Variants in PCDH7 observed in about 807,000 individuals in gnomAD.
PCDH7 encodes protocadherin 7.
In PCDH7, 17 loss-of-function variants were observed where a neutral mutation model predicts 58.9. The ratio of observed to expected loss-of-function variants is 0.29; its 90% CI spans 0.20 to 0.43. The LOEUF (loss-of-function observed/expected upper bound fraction) is 0.43. Ranked by LOEUF, PCDH7 falls within the 20% of genes least tolerant of loss-of-function variation. The probability of loss-of-function intolerance (pLI) is 1.00; values close to 1 mark genes in which losing one functional copy is unlikely to be tolerated. For missense variants in PCDH7, 1,274 were observed against 1,441.0 expected, an observed-to-expected ratio of 0.88 and a Z score of 1.88; for synonymous variants, 664 against 616.4, an observed-to-expected ratio of 1.08 and a Z score of -1.14.
intron 3 of PCDH7, among the ~76,000 whole-genome samples, chr4:31,080,764 G>C (rs897445098): frequency 9.2e-5 from 14 of 152,130 alleles, no homozygotes; most frequent in African/African-American, 3.4e-4. Context: ...GATATGGTTT[G>C]GCTGTGTCCC....
intron 1 of PCDH7, among the ~76,000 whole-genome samples, chr4:30,904,795 A>C (rs11722640): frequency 0.69 from 105,626 of 152,082 alleles, 36,947 homozygotes; most frequent in African/African-American, 0.79. Context: ...AGAGGAAATA[A>C]GTTCACCTGT....
At chr4:30,900,469 A>G (rs1176078207) in intron 1 of PCDH7, among the ~76,000 whole-genome samples, 1 of 152,200 alleles carries the variant, frequency 6.6e-6, no homozygotes, top group Non-Finnish European at 1.5e-5. Context: ...CTTGAAATAT[A>G]TACTACTTAT....
downstream of PCDH7, among the ~76,000 whole-genome samples, chr4:30,737,478 G>A (rs140893405): frequency 6.6e-6 from 1 of 152,090 alleles, no homozygotes; most frequent in African/African-American, 2.4e-5. Context: ...TGTTCACGCT[G>A]CACTCCAGCC....
At chr4:31,073,229 G>T (rs1205876550) in intron 3 of PCDH7, among the ~76,000 whole-genome samples, 1 of 152,186 alleles carries the variant, frequency 6.6e-6, no homozygotes, top group African/African-American at 2.4e-5. Flanking sequence ...TTACATCATT[G>T]AAAGCATCTG....
intron 3 of PCDH7, among the ~76,000 whole-genome samples, chr4:31,043,679 G>T (rs1453887405): frequency 6.6e-6 from 1 of 152,052 alleles, no homozygotes; most frequent in East Asian, 1.9e-4. Flanking sequence ...CCTTGTAGAT[G>T]CTGGACGTTA....
chr4:31,006,892 CAA>C (rs71651570), intron 3 of PCDH7, among the ~76,000 whole-genome samples: 10 of 118,230 alleles, frequency 8.5e-5, no homozygotes, highest in Non-Finnish European at 7.4e-5. Flanking sequence ...AACTTTGTCT[CAA>C]AAAAAAAAAA....
chr4:31,129,621 A>C (rs1034725686), intron 3 of PCDH7, among the ~76,000 whole-genome samples: 1 of 152,002 alleles, frequency 6.6e-6, no homozygotes, highest in Non-Finnish European at 1.5e-5. Flanking sequence ...TATTTTCTTT[A>C]AATTTTGTTA....
intron 3 of PCDH7, among the ~76,000 whole-genome samples, chr4:30,983,162 G>A (rs1287985185): frequency 6.6e-6 from 1 of 151,984 alleles, no homozygotes; most frequent in African/African-American, 2.4e-5. Flanking sequence ...GAGTTACATT[G>A]GCCAAATCAT....
intron 3 of PCDH7, among the ~76,000 whole-genome samples, chr4:31,084,290 G>C (rs1712021733): frequency 6.6e-6 from 1 of 152,132 alleles, no homozygotes; most frequent in Non-Finnish European, 1.5e-5. Flanking sequence ...AATATGTAAA[G>C]GTTGGAAAAT....
At chr4:30,738,948 G>C (rs1716682542) in intron 1 of PCDH7, among the ~76,000 whole-genome samples, 1 of 151,790 alleles carries the variant, frequency 6.6e-6, no homozygotes, top group African/African-American at 2.4e-5. Context: ...ACCACGCTCT[G>C]AGTGACTCTT....
intron 3 of PCDH7, among the ~76,000 whole-genome samples, chr4:30,961,354 C>A (rs1374957066): frequency 6.6e-6 from 1 of 151,026 alleles, no homozygotes; most frequent in Non-Finnish European, 1.5e-5. Flanking sequence ...ACCATCCTGG[C>A]TAACACAGTG....
chr4:30,797,428 AC>A (rs1051835988), intron 1 of PCDH7, among the ~76,000 whole-genome samples: 3 of 151,674 alleles, frequency 2.0e-5, no homozygotes, highest in African/African-American at 7.3e-5. Context: ...GCCCGCCACC[AC>A]GCCCGGCTAA....
At chr4:30,931,655 A>T (rs1421200434) in intron 2 of PCDH7, among the ~76,000 whole-genome samples, 1 of 151,874 alleles carries the variant, frequency 6.6e-6, no homozygotes, top group East Asian at 1.9e-4. Flanking sequence ...AATTGAGACA[A>T]CTCAGAAAAC....
chr4:30,922,957 A>G (rs1743375142), intron 2 of PCDH7, among the ~76,000 whole-genome samples: 1 of 152,180 alleles, frequency 6.6e-6, no homozygotes, highest in Admixed American at 6.5e-5. Context: ...CATCTTCAGT[A>G]TTAATGGATC....
At chr4:30,936,233 A>G (rs1745322938) in intron 2 of PCDH7, among the ~76,000 whole-genome samples, 1 of 152,044 alleles carries the variant, frequency 6.6e-6, no homozygotes, top group Non-Finnish European at 1.5e-5. Context: ...GTATCACTCA[A>G]AGCAAGGTAA....
chr4:31,122,080 A>G (rs991145791), intron 3 of PCDH7, among the ~76,000 whole-genome samples: 2 of 152,126 alleles, frequency 1.3e-5, no homozygotes, highest in African/African-American at 2.4e-5. Context: ...AGCCATAACT[A>G]TCTGGACACA....
At chr4:31,022,544 G>A (rs1463562588) in intron 3 of PCDH7, among the ~76,000 whole-genome samples, 8 of 152,090 alleles carry the variant, frequency 5.3e-5, no homozygotes, top group African/African-American at 1.4e-4. Context: ...TAATTGAAAC[G>A]TACTCTTGGA....
chr4:30,744,740 A>G (rs961357672), intron 1 of PCDH7, among the ~76,000 whole-genome samples: 8 of 152,210 alleles, frequency 5.3e-5, no homozygotes, highest in African/African-American at 9.6e-5. Flanking sequence ...GGCATCAACT[A>G]TTCTCACTGG....
intron 1 of PCDH7, among the ~76,000 whole-genome samples, chr4:30,769,791 G>C (rs769814712): frequency 2.6e-5 from 4 of 152,092 alleles, no homozygotes; most frequent in Non-Finnish European, 5.9e-5. Context: ...CTGTTCATCA[G>C]TTTTTACTTT....
Sources: allele counts gnomAD v4.1 joint callset (sites outside exome capture counted in the v4.1 genomes callset), GRCh38; gene constraint gnomAD v4.1.1; transcripts MANE v1.5; gene names NCBI Gene and HGNC (gene_info 2026-07-23, HGNC 2026-07-21).